KCNK2: variants seen among roughly 807,000 people sequenced by gnomAD.
The protein encoded by KCNK2 is potassium channel subfamily K member 2.
KCNK2 carries 21 observed loss-of-function variants against 40.5 expected under a neutral mutation model. The ratio of observed to expected loss-of-function variants is 0.52; its 90% confidence interval spans 0.37 to 0.75. The LOEUF (loss-of-function observed/expected upper bound fraction) is 0.75, where lower values mean the gene tolerates loss of function less well. Among genes scored for constraint, KCNK2 ranks in the 30% least tolerant of loss-of-function variants. The pLI, the probability that KCNK2 is intolerant of heterozygous loss-of-function variation, is 0.00. For missense variants in KCNK2, 399 were observed against 531.6 expected, an observed-to-expected ratio of 0.75 and a Z score of 2.45; for synonymous variants, 191 against 202.2, an observed-to-expected ratio of 0.94 and a Z score of 0.47.
At chr1:215,223,018 A>G (rs574305432) in intron 6 of KCNK2, among the ~76,000 whole-genome samples, 1 of 152,220 alleles carries the variant, frequency 6.6e-6, no homozygotes, top group Non-Finnish European at 1.5e-5. Context: ...AGAAAAGCAA[A>G]TTAAAATTAA....
intron 6 of KCNK2, among the ~76,000 whole-genome samples, chr1:215,198,046 G>A (rs1664937966): frequency 6.6e-6 from 1 of 152,146 alleles, no homozygotes; most frequent in African/African-American, 2.4e-5. Flanking sequence ...AAACAAGGTT[G>A]TGTCCCTACT....
chr1:215,115,737 A>T (rs971957464), intron 2 of KCNK2, among the ~76,000 whole-genome samples: 2 of 150,250 alleles, frequency 1.3e-5, no homozygotes, highest in African/African-American at 4.9e-5. Context: ...TTTTTTTTTT[A>T]AAAAAATTAA....
chr1:215,077,787 A>G (rs1558079378), upstream of KCNK2, among the ~76,000 whole-genome samples: 1 of 151,314 alleles, frequency 6.6e-6, no homozygotes, highest in East Asian at 2.0e-4. Flanking sequence ...TTCCCTTTCC[A>G]CCCTTGCTCA....
intron 3 of KCNK2, among the ~76,000 whole-genome samples, chr1:215,152,308 G>A (rs1416281907): frequency 1.3e-5 from 2 of 152,058 alleles, no homozygotes; most frequent in Non-Finnish European, 2.9e-5. Context: ...ACCAGAAAAT[G>A]CACCACAACT....
intron 3 of KCNK2, among the ~76,000 whole-genome samples, chr1:215,132,697 T>C (rs1181282709): frequency 6.6e-6 from 1 of 152,232 alleles, no homozygotes; most frequent in Non-Finnish European, 1.5e-5. Context: ...CGGAATATTA[T>C]TAGTAACGTT....
intron 5 of KCNK2, among the ~76,000 whole-genome samples, chr1:215,184,868 G>A (rs1343501068): frequency 6.6e-6 from 1 of 151,902 alleles, no homozygotes; most frequent in African/African-American, 2.4e-5. Context: ...CTCATGATCT[G>A]AGACCAAAAA....
chr1:215,083,194 T>TCTCCCC lies in KCNK2; in HGVS notation c.-191_-190insTCCCCC. ...CCCGCGATTTCGTTTCTTCTCACGC[T>TCTCCCC]CCCCCCCCCGCCCCCTCCCGCGTCC... On this transcript the variant is annotated 5_prime_UTR_variant, in exon 1 of 7. Transcript: ENST00000444842. The TCTCCCC allele has an allele frequency of 2.0e-6, 1 of 501,814 alleles. No homozygotes were observed. The highest frequency in any genetic ancestry group is 3.3e-6 in the Non-Finnish European group (1 of 301,554). 31.1% of individuals were successfully genotyped at this position (501,814 alleles called of 1,614,324 possible).
intron 5 of KCNK2, among the ~76,000 whole-genome samples, chr1:215,177,740 A>ATATATT (rs71167812): frequency 1.4e-3 from 142 of 101,544 alleles, no homozygotes; most frequent in East Asian, 2.8e-3. Flanking sequence ...ATATATATAT[A>ATATATT]TTTTTTTTTT....
At chr1:215,157,276 A>G (rs1305785025) in intron 3 of KCNK2, among the ~76,000 whole-genome samples, 1 of 152,160 alleles carries the variant, frequency 6.6e-6, no homozygotes, top group East Asian at 1.9e-4. Flanking sequence ...TCACGGGGTG[A>G]CCACTCCCCA....
chr1:215,236,243 T>C lies in KCNK2; in HGVS notation c.*1098T>C, dbSNP rs564817326. The C allele has an allele frequency of 2.0e-5, 3 of 152,370 alleles. No homozygotes were observed. In the East Asian group the frequency reaches 5.8e-4, roughly 29 times the overall value. The allele number at this position is 152,370 out of a possible 1,614,324, so 9.4% of individuals were successfully genotyped here. ...GCTAATAAACAGTATACTGCCAGCT[T>C]CTAATTGCTTTTTGATGTATGAAAG... On this transcript the variant is annotated 3_prime_UTR_variant, in exon 7 of 7. Transcript: ENST00000444842.
At chr1:215,025,517 C>T (rs1029726004) in intron 1 of KCNK2, among the ~76,000 whole-genome samples, 1 of 151,992 alleles carries the variant, frequency 6.6e-6, no homozygotes, top group Admixed American at 6.6e-5. Context: ...CTAGTGTGGA[C>T]TAATATGTAT....
chr1:215,209,483 TA>T (rs1558140309), intron 6 of KCNK2, among the ~76,000 whole-genome samples: 210 of 5,594 alleles, frequency 0.038, 9 homozygotes, highest in African/African-American at 0.12. Flanking sequence ...ATATTATATA[TA>T]ATACATATAT....
At chr1:215,168,590 A>C (rs1663556014) in intron 3 of KCNK2, among the ~76,000 whole-genome samples, 1 of 152,190 alleles carries the variant, frequency 6.6e-6, no homozygotes, top group African/African-American at 2.4e-5. Context: ...TGCCTCAGCA[A>C]ACTAACACAG....
intron 6 of KCNK2, among the ~76,000 whole-genome samples, chr1:215,234,045 G>A (rs1180594645): frequency 3.3e-5 from 5 of 152,148 alleles, no homozygotes; most frequent in Admixed American, 3.3e-4. Flanking sequence ...CCTGTTAGGT[G>A]TGTACTGTGA....
At chr1:215,086,990 C>G (rs1488763836) in intron 2 of KCNK2, among the ~76,000 whole-genome samples, 1 of 152,128 alleles carries the variant, frequency 6.6e-6, no homozygotes, top group Non-Finnish European at 1.5e-5. Flanking sequence ...TTCCCTTTGC[C>G]CTGTCTTAGA....
At chr1:215,087,867 C>T (rs1320672276) in intron 2 of KCNK2, among the ~76,000 whole-genome samples, 2 of 152,170 alleles carry the variant, frequency 1.3e-5, no homozygotes, top group African/African-American at 4.8e-5. Context: ...TCTCAATTTA[C>T]AGCATATGCA....
In KCNK2 at chr1:215,086,449, T is replaced by C. The variant is rs766106654; in HGVS notation, c.128T>C (p.Val43Ala). Residue 43 changes from valine to alanine, a missense_variant, in exon 2 of 7, where the codon GTG (valine) becomes GCG (alanine). Physicochemically the swap from Val to Ala is moderately conservative, Grantham distance 64 (BLOSUM62 0). Transcript: ENST00000444842. Reference sequence around the variant, plus strand: ...CTCTCGTTTTCCACGAAACCCACAGTGCTTGCTTCCCGGGTGGAGAGTGAC... The same window carrying C: ...CTCTCGTTTTCCACGAAACCCACAGCGCTTGCTTCCCGGGTGGAGAGTGAC... ...PRLSFSTKPT[V>A]LASRVESDTT... 4 of 1,614,162 alleles carry C rather than the reference T, an allele frequency of 2.5e-6. No homozygotes were observed. The South Asian group carries it at 4.4e-5, about 18-fold the overall frequency.
At chr1:215,195,538 A>G (rs760275240) in intron 6 of KCNK2, among the ~76,000 whole-genome samples, 3 of 152,094 alleles carry the variant, frequency 2.0e-5, no homozygotes, top group Non-Finnish European at 4.4e-5. Flanking sequence ...TCTTATGTCT[A>G]TATAAATTTG....
chr1:215,059,250 C>T (rs1327900681), intron 1 of KCNK2, among the ~76,000 whole-genome samples: 1 of 152,060 alleles, frequency 6.6e-6, no homozygotes, highest in Non-Finnish European at 1.5e-5. Context: ...CAGAATCTTT[C>T]CCTAGTGCCA....
Sources: allele counts gnomAD v4.1 joint callset (sites outside exome capture counted in the v4.1 genomes callset), GRCh38; gene constraint gnomAD v4.1.1; transcripts MANE v1.5; gene names NCBI Gene and HGNC (gene_info 2026-07-23, HGNC 2026-07-21).